AOPEP: variants seen among roughly 807,000 people sequenced by gnomAD.
The protein encoded by AOPEP is aminopeptidase O (putative), also known as aminopeptidase O.
In AOPEP, 77 loss-of-function variants were observed where a neutral mutation model predicts 98.1. That is an observed-to-expected ratio of 0.78 (90% confidence interval 0.65 to 0.95). The LOEUF (loss-of-function observed/expected upper bound fraction) is 0.95. Ranked by LOEUF, AOPEP falls within the 40% of genes least tolerant of loss-of-function variation. The pLI is 0.00. For missense variants in AOPEP, 1,024 were observed against 1,024.7 expected (o/e 1.00, Z 0.01); for synonymous variants, 346 against 365.3 (o/e 0.95, Z 0.60).
chr9:94,833,574 A>T (rs1053744038), intron 5 of AOPEP, among the ~76,000 whole-genome samples: 3 of 152,152 alleles, frequency 2.0e-5, no homozygotes, highest in Non-Finnish European at 4.4e-5. Flanking sequence ...CAAAGAAGCT[A>T]CTGAAGATTA....
At chr9:95,005,122 C>T in intron 11 of AOPEP, 36 bp from the exon 12 acceptor site, 1 of 1,086,626 alleles carries the variant, frequency 9.2e-7, no homozygotes, top group Non-Finnish European at 1.1e-6. Flanking sequence ...GGGGCCGCTC[C>T]CGCGGTAAAC....
At chr9:94,839,519 G>A (rs774984817) in intron 5 of AOPEP, among the ~76,000 whole-genome samples, 9 of 152,120 alleles carry the variant, frequency 5.9e-5, no homozygotes, top group East Asian at 3.9e-4. Flanking sequence ...CACTACACCC[G>A]GCCTATAAGT....
rs191320979 is a variant in AOPEP at position 95,049,527 on chromosome 9, C to G, written c.2116-11167C>G. Among the ~76,000 whole-genome samples the G allele has an allele frequency of 1.0e-3, 157 of 152,194 alleles. 1 individual carries two copies. Among genetic ancestry groups the G allele is most frequent in the African/African-American group, 3.7e-3 (155 of 41,518 alleles). ...TATTTTCCATTAAAATTTAAATAAT[C>G]AGAAAGCTCAGAAATGTTATTCCTG... On this transcript the variant is annotated intron_variant, in intron 13 of 16. Transcript: ENST00000375315.
intron 5 of AOPEP, among the ~76,000 whole-genome samples, chr9:94,899,179 CTTTT>C (rs1164742981): frequency 6.7e-5 from 4 of 59,732 alleles, no homozygotes; most frequent in Non-Finnish European, 8.3e-5. Context: ...TCTTCATTTG[CTTTT>C]TTTTTTTTTT....
intron 8 of AOPEP, 59 bp downstream of exon 8, chr9:94,955,338 C>A: frequency 3.0e-6 from 3 of 995,312 alleles, no homozygotes; most frequent in South Asian, 1.4e-5. Flanking sequence ...TTAGGCCACA[C>A]AATTAAACAA....
chr9:94,855,982 CTT>C, intron 5 of AOPEP, among the ~76,000 whole-genome samples: 1 of 152,182 alleles, frequency 6.6e-6, no homozygotes, highest in Non-Finnish European at 1.5e-5. Flanking sequence ...AGCAATGGGA[CTT>C]ATACGTAGGT....
chr9:94,745,053 A>G (rs1834148786), intron 1 of AOPEP, among the ~76,000 whole-genome samples: 1 of 152,132 alleles, frequency 6.6e-6, no homozygotes, highest in Non-Finnish European at 1.5e-5. Flanking sequence ...CACCTCAAGC[A>G]TTGATTATTT....
chr9:95,053,394 A>G (rs538768085), intron 13 of AOPEP, among the ~76,000 whole-genome samples: 1 of 152,354 alleles, frequency 6.6e-6, no homozygotes, highest in East Asian at 1.9e-4. Context: ...ATTTCTTGCC[A>G]TCTTCCTATA....
intron 5 of AOPEP, among the ~76,000 whole-genome samples, chr9:94,880,112 C>A (rs998656660): frequency 1.2e-4 from 19 of 152,174 alleles, no homozygotes; most frequent in Admixed American, 3.3e-4. Context: ...CATATTCTCA[C>A]AGTGTCAGCA....
At chr9:95,072,005 G>A (rs1037340046) in intron 14 of AOPEP, among the ~76,000 whole-genome samples, 3 of 152,118 alleles carry the variant, frequency 2.0e-5, no homozygotes, top group Non-Finnish European at 4.4e-5. Context: ...AAACCCACTC[G>A]GGCCGTTGTT....
intron 3 of AOPEP, among the ~76,000 whole-genome samples, chr9:94,784,203 A>G (rs1843899941): frequency 6.6e-6 from 1 of 152,240 alleles, no homozygotes; most frequent in Non-Finnish European, 1.5e-5. Context: ...GTGTGTGGTT[A>G]TAGCTGTGCT....
intron 11 of AOPEP, among the ~76,000 whole-genome samples, chr9:94,994,873 C>T (rs973648070): frequency 2.0e-5 from 3 of 152,104 alleles, no homozygotes; most frequent in East Asian, 1.9e-4. Flanking sequence ...ATTGTTTGAA[C>T]GCAGGAGGTG....
chr9:95,072,734 G>A (rs920548076), intron 14 of AOPEP, among the ~76,000 whole-genome samples: 5 of 152,202 alleles, frequency 3.3e-5, no homozygotes, highest in Non-Finnish European at 7.3e-5. Context: ...ATAAGGGTGA[G>A]GCCCCTTTAC....
At chr9:95,136,318 G>C in the AOPEP span, among the ~76,000 whole-genome samples, 2 of 152,066 alleles carry the variant, frequency 1.3e-5, no homozygotes, top group Non-Finnish European at 2.9e-5. Context: ...AGGATCGCTA[G>C]AGCCCAGGAG....
At chr9:94,817,973 C>T (rs1015995566) in intron 5 of AOPEP, among the ~76,000 whole-genome samples, 5 of 152,224 alleles carry the variant, frequency 3.3e-5, no homozygotes, top group African/African-American at 1.2e-4. Flanking sequence ...AGTCATCATG[C>T]TCCTTGGAAG....
At chr9:95,074,419 C>A (rs2068829076) in intron 14 of AOPEP, among the ~76,000 whole-genome samples, 1 of 152,180 alleles carries the variant, frequency 6.6e-6, no homozygotes, top group African/African-American at 2.4e-5. Flanking sequence ...GTGTGGAGCA[C>A]TCTTAGGAGA....
chr9:95,110,150 G>GC, the AOPEP span: 2 of 691,194 alleles, frequency 2.9e-6, no homozygotes, highest in Admixed American at 6.2e-5. Context: ...GGAGAACTAC[G>GC]CAAGGGTTTT....
chr9:94,783,800 A>G (rs539497739), intron 3 of AOPEP, among the ~76,000 whole-genome samples: 35 of 152,320 alleles, frequency 2.3e-4, no homozygotes, highest in African/African-American at 7.9e-4. Context: ...ATTGTTAGGC[A>G]TCTTTAATTT....
At chr9:95,080,871 C>T (rs1201394280) in intron 15 of AOPEP, 91 bp downstream of exon 15, 5 of 890,824 alleles carry the variant, frequency 5.6e-6, no homozygotes, top group Non-Finnish European at 9.5e-6. Flanking sequence ...TCTTTCATAA[C>T]AAATAATTAA....
Sources: allele counts gnomAD v4.1 joint callset (sites outside exome capture counted in the v4.1 genomes callset), GRCh38; gene constraint gnomAD v4.1.1; transcripts MANE v1.5; gene names NCBI Gene and HGNC (gene_info 2026-07-23, HGNC 2026-07-21).